The following MPHOSPH9 variants were observed in gnomAD, a reference collection of about 807,000 sequenced individuals.
MPHOSPH9 encodes the protein M-phase phosphoprotein 9.
MPHOSPH9 carries 88 observed loss-of-function variants against 145.5 expected under a neutral mutation model. The observed-to-expected ratio is 0.60, with a 90% CI of 0.51 to 0.72. MPHOSPH9 has a LOEUF of 0.72. Ranked by LOEUF, MPHOSPH9 falls within the 30% of genes least tolerant of loss-of-function variation. The probability of loss-of-function intolerance (pLI) is 0.00; values close to 1 mark genes in which losing one functional copy is unlikely to be tolerated. For missense variants in MPHOSPH9, 1,238 were observed against 1,386.6 expected (o/e 0.89, Z 1.70); for synonymous variants, 435 against 486.2 (o/e 0.89, Z 1.39).
downstream of MPHOSPH9, among the ~76,000 whole-genome samples, chr12:123,153,764 CAAAAAAAA>C (rs57564688): frequency 0.64 from 69,920 of 110,082 alleles, 21,867 homozygotes; most frequent in East Asian, 0.95. Context: ...GACTCCATCT[CAAAAAAAA>C]AAAAAAAAAA....
chr12:123,178,876 T>C (rs1014612609), intron 15 of MPHOSPH9, among the ~76,000 whole-genome samples: 2 of 152,160 alleles, frequency 1.3e-5, no homozygotes, highest in Non-Finnish European at 2.9e-5. Context: ...TACGATTCTG[T>C]CCCTACCTAA....
At chr12:123,179,394 C>G (rs573781904) in intron 15 of MPHOSPH9, among the ~76,000 whole-genome samples, 41 of 152,164 alleles carry the variant, frequency 2.7e-4, no homozygotes, top group African/African-American at 9.6e-4. Context: ...GCCAACATGG[C>G]GAAACCCTGT....
intron 17 of MPHOSPH9, 72 bp from the exon 18 acceptor site, chr12:123,165,549 A>G: frequency 7.4e-7 from 1 of 1,342,804 alleles, no homozygotes; most frequent in East Asian, 2.3e-5. Context: ...CCCCCACACC[A>G]AACATACATG....
At chr12:123,194,333 C>T (rs1001276720) in intron 13 of MPHOSPH9, 53 bp downstream of exon 13, 1 of 1,066,678 alleles carries the variant, frequency 9.4e-7, no homozygotes, top group Non-Finnish European at 1.4e-6. Flanking sequence ...AGTATAATAC[C>T]TAAATTACTT....
At chr12:123,184,828 G>C (rs2045365995) in intron 13 of MPHOSPH9, among the ~76,000 whole-genome samples, 1 of 151,858 alleles carries the variant, frequency 6.6e-6, no homozygotes, top group Non-Finnish European at 1.5e-5. Context: ...TTTTGAGACA[G>C]AGTCTCACTC....
At chr12:123,231,297 C>A (rs1363929869) in intron 1 of MPHOSPH9, among the ~76,000 whole-genome samples, 4 of 152,150 alleles carry the variant, frequency 2.6e-5, no homozygotes, top group Middle Eastern at 3.4e-3. Flanking sequence ...AGATATAATT[C>A]TATTATGTAA....
intron 3 of MPHOSPH9, among the ~76,000 whole-genome samples, chr12:123,226,530 T>C (rs1444965742): frequency 6.6e-6 from 1 of 151,962 alleles, no homozygotes; most frequent in East Asian, 1.9e-4. Flanking sequence ...ACTTTTTTTT[T>C]TTTTTACTGA....
At chr12:123,237,380 A>G (rs2047867987), upstream of MPHOSPH9, among the ~76,000 whole-genome samples, 1 of 152,240 alleles carries the variant, frequency 6.6e-6, no homozygotes, top group African/African-American at 2.4e-5. Context: ...CAGTGAGCCA[A>G]GATCACGCCA....
intron 13 of MPHOSPH9, among the ~76,000 whole-genome samples, chr12:123,191,373 A>T (rs186408798): frequency 1.3e-5 from 2 of 152,214 alleles, no homozygotes; most frequent in East Asian, 3.9e-4. Flanking sequence ...AGCAATGAAC[A>T]TACTCAGTAC....
upstream of MPHOSPH9, among the ~76,000 whole-genome samples, chr12:123,237,415 C>G: frequency 6.6e-6 from 1 of 152,080 alleles, no homozygotes; most frequent in South Asian, 2.1e-4. Context: ...GGGTGACAAG[C>G]GAAACTCCGG....
At chr12:123,218,228 G>C in intron 6 of MPHOSPH9, 148 bp downstream of exon 6, 1 of 1,115,126 alleles carries the variant, frequency 9.0e-7, no homozygotes, top group East Asian at 2.8e-5. Flanking sequence ...GCGAAACTCC[G>C]TCTCAAAAAA....
Position 123,160,800 on chromosome 12 carries a change from A to G in MPHOSPH9, c.3431T>C (p.Leu1144Ser). 1.2e-6 allele frequency: 2 copies of G among 1,614,036 alleles called. No homozygotes were observed. Among genetic ancestry groups the G allele is most frequent in the Non-Finnish European group, 1.7e-6 (2 of 1,180,030 alleles). The change falls in exon 23 of 24, where the codon TTA becomes TCA. Residue 1144 changes from leucine to serine, a missense_variant. Physicochemically the swap from Leu to Ser is moderately radical, Grantham distance 145 (BLOSUM62 -2). Coordinates refer to ENST00000606320, the MANE Select transcript of MPHOSPH9 (RefSeq NM_022782.4). ...RMPSPGGRIT[L>S]QTRLNQEALE... is the part of the protein sequence containing the mutation. The stretch of plus-strand genomic sequence containing the variant: ...TTTCACCTGATTTAATCTTGTCTGT[A>G]AAGTGATTCGTCCTCCAGGAGAAGG...
Position 123,202,252 on chromosome 12 carries a change from C to T in MPHOSPH9, c.1849G>A (p.Glu617Lys), listed in dbSNP as rs1403539976. 1.2e-6 allele frequency: 2 copies of T among 1,613,272 alleles called. No individual in the cohort carries two copies. The highest frequency in any genetic ancestry group is 8.5e-7 in the Non-Finnish European group (1 of 1,179,820). The change falls in exon 11 of 24, where the codon GAA becomes AAA. Residue 617 changes from glutamate to lysine, a missense_variant. Physicochemically the swap from Glu to Lys is moderately conservative, Grantham distance 56. Coordinates refer to ENST00000606320, the MANE Select transcript of MPHOSPH9 (RefSeq NM_022782.4). ...AGCTTCTGTTTCAAACTATTTATTT[C>T]TGATTCATAATAAGCTCGAAGATCT... ...IADLRAYYESEINSLKQKLEA... is the reference protein window; with the variant it reads ...IADLRAYYESKINSLKQKLEA...
At chr12:123,228,188 C>T (rs2047501093) in intron 2 of MPHOSPH9, among the ~76,000 whole-genome samples, 1 of 152,144 alleles carries the variant, frequency 6.6e-6, no homozygotes, top group Non-Finnish European at 1.5e-5. Context: ...TACTGCTTTT[C>T]CAAACTTCAG....
chr12:123,173,477 G>T (rs1243108886), intron 16 of MPHOSPH9, among the ~76,000 whole-genome samples: 3 of 152,204 alleles, frequency 2.0e-5, no homozygotes, highest in African/African-American at 7.2e-5. Context: ...GAATCAGAGA[G>T]GGTCCTGCCT....
chr12:123,223,249 T>A (rs2047289882), intron 3 of MPHOSPH9, 122 bp from the exon 4 acceptor site: 1 of 510,906 alleles, frequency 2.0e-6, no homozygotes, highest in South Asian at 4.4e-5. Flanking sequence ...CCAAGAGCCA[T>A]CAGCACTCTC....
At chr12:123,198,849 T>C (rs2046091603) in intron 11 of MPHOSPH9, among the ~76,000 whole-genome samples, 1 of 151,138 alleles carries the variant, frequency 6.6e-6, no homozygotes, top group Non-Finnish European at 1.5e-5. Flanking sequence ...AAAATAATTT[T>C]TTTAAAAGAT....
chr12:123,179,869 C>T (rs1039991539), intron 15 of MPHOSPH9, 57 bp downstream of exon 15: 15 of 937,506 alleles, frequency 1.6e-5, no homozygotes, highest in Non-Finnish European at 2.2e-5. Flanking sequence ...ATGTTCAATA[C>T]AGACACATAA....
intron 8 of MPHOSPH9, among the ~76,000 whole-genome samples, chr12:123,203,736 T>C (rs144354883): frequency 6.6e-6 from 1 of 152,148 alleles, no homozygotes; most frequent in African/African-American, 2.4e-5. Context: ...CAGGCTGGAG[T>C]GCAGTGGTGT....
Sources: gnomAD v4.1 joint callset for allele counts (sites outside exome capture counted in the v4.1 genomes callset) on GRCh38, gnomAD v4.1.1 for gene constraint, MANE v1.5 for transcripts, NCBI Gene and HGNC (gene_info 2026-07-23, HGNC 2026-07-21) for gene names.